CNR1: variants seen among roughly 807,000 people sequenced by gnomAD.
CNR1 encodes cannabinoid receptor 1.
CNR1 carries 10 observed loss-of-function variants against 23.0 expected under a neutral mutation model. The ratio of observed to expected loss-of-function variants is 0.43; its 90% CI spans 0.27 to 0.74. The LOEUF is 0.74. CNR1 is among the 30% of genes least tolerant of loss of function. The pLI, the probability that CNR1 is intolerant of heterozygous loss-of-function variation, is 0.19. For missense variants in CNR1, 422 were observed against 618.8 expected (o/e 0.68, Z 3.37); for synonymous variants, 271 against 255.2 (o/e 1.06, Z -0.59).
upstream of CNR1, among the ~76,000 whole-genome samples, chr6:88,166,577 T>G (rs922711704): frequency 4.6e-5 from 7 of 151,670 alleles, no homozygotes; most frequent in Non-Finnish European, 1.0e-4. Flanking sequence ...GTCACCTACT[T>G]CTCCTCTTCC....
Position 88,145,205 on chromosome 6 carries a change from C to G in CNR1, c.70G>C (p.Gly24Arg). The G allele has an allele frequency of 1.9e-6, 3 of 1,614,130 alleles. No individual in the cohort carries two copies. Among genetic ancestry groups the G allele is most frequent in the Non-Finnish European group, 2.5e-6 (3 of 1,180,026 alleles). Residue 24 changes from glycine to arginine, a missense_variant, in exon 2 of 2, where the codon GGC (glycine) becomes CGC (arginine). Physicochemically the swap from Gly to Arg is moderately radical, Grantham distance 125. Transcript: ENST00000369501. ...RTITTDLLYVGSNDIQYEDIK... is the reference protein window; with the variant it reads ...RTITTDLLYVRSNDIQYEDIK... ...TCTTCGTACTGAATGTCATTTGAGC[C>G]CACGTACAGGAGGTCAGTGGTGATG...
In CNR1 at chr6:88,144,582, G is replaced by C. The variant is rs1318755818; in HGVS notation, c.693C>G (p.Pro231=). The part of the protein sequence containing the change: ...PLAYKRIVTR[P]KAVVAFCLMW... ...TCAGGCAAAACGCCACCACGGCCTTGGGCCTGGTGACAATCCTCTTATAGG... is the reference window on the plus strand; with the variant it reads ...TCAGGCAAAACGCCACCACGGCCTTCGGCCTGGTGACAATCCTCTTATAGG... The change falls in exon 2 of 2, where the codon CCC becomes CCG. Residue 231 remains proline, a synonymous_variant. Transcript: ENST00000369501. This position sits in a 1 kb window ranked among gnomAD's most constrained non-coding sequence, Gnocchi z 7.8. The C allele has an allele frequency of 6.2e-7, 1 of 1,614,200 alleles. No individual in the cohort carries two copies. The highest frequency in any genetic ancestry group is 1.7e-5 in the Admixed American group (1 of 60,026).
chr6:88,161,562 AT>A (rs1778108976), intron 1 of CNR1, among the ~76,000 whole-genome samples: 1 of 152,242 alleles, frequency 6.6e-6, no homozygotes, highest in Non-Finnish European at 1.5e-5. Flanking sequence ...ATTATAAAAA[AT>A]ATACTTTTTT....
intron 1 of CNR1, among the ~76,000 whole-genome samples, chr6:88,151,600 GTAT>G (rs1015472714): frequency 2.6e-5 from 4 of 151,884 alleles, no homozygotes; most frequent in Admixed American, 1.3e-4. Context: ...TCTTCAATGG[GTAT>G]TATTATTATC....
chr6:88,165,048 CTT>C (rs540999519), intron 1 of CNR1, among the ~76,000 whole-genome samples: 50 of 151,864 alleles, frequency 3.3e-4, no homozygotes, highest in African/African-American at 1.1e-3. Context: ...CTAAACATTT[CTT>C]TTGTTTTTTT....
intron 1 of CNR1, among the ~76,000 whole-genome samples, chr6:88,161,992 T>C (rs1480131954): frequency 6.6e-6 from 1 of 152,228 alleles, no homozygotes; most frequent in Non-Finnish European, 1.5e-5. Context: ...CTAAAAGGAT[T>C]GGCTAAAAAG....
In CNR1 at chr6:88,142,210, A is replaced by T. The variant is rs752904771; in HGVS notation, c.*1646T>A. On this transcript the variant is annotated 3_prime_UTR_variant, in exon 2 of 2. Coordinates refer to ENST00000369501, the MANE Select transcript of CNR1 (RefSeq NM_016083.6). ...CATGTGGGCAAAGCACAGATACAGC[A>T]TAGCTAGACGTCAATGCCAAGTGTA... 1 of 152,392 alleles carries T rather than the reference A, an allele frequency of 6.6e-6. No homozygotes were observed. The highest frequency in any genetic ancestry group is 1.5e-5 in the Non-Finnish European group (1 of 68,062). The allele number at this position is 152,392 out of a possible 1,614,324, so 9.4% of individuals were successfully genotyped here.
At chr6:88,155,036 G>A (rs1777722990) in intron 1 of CNR1, among the ~76,000 whole-genome samples, 1 of 152,182 alleles carries the variant, frequency 6.6e-6, no homozygotes, top group Non-Finnish European at 1.5e-5. Flanking sequence ...TATTATTCTG[G>A]TCCACAAAAT....
chr6:88,155,735 T>G (rs1777757153), intron 1 of CNR1, among the ~76,000 whole-genome samples: 1 of 152,240 alleles, frequency 6.6e-6, no homozygotes, highest in Non-Finnish European at 1.5e-5. Context: ...GCCAATTAAC[T>G]ATAAGGTATA....
intron 1 of CNR1, among the ~76,000 whole-genome samples, chr6:88,163,741 T>C (rs1350803456): frequency 6.6e-6 from 1 of 152,190 alleles, no homozygotes; most frequent in African/African-American, 2.4e-5. Flanking sequence ...AATACAGTGG[T>C]TCTTTTTGAG....
chr6:88,144,911 G>A lies in CNR1; in HGVS notation c.364C>T (p.Leu122=), dbSNP rs1225600532. The A allele has an allele frequency of 1.2e-6, 2 of 1,614,208 alleles. No homozygotes were observed. The highest frequency in any genetic ancestry group is 1.7e-6 in the Non-Finnish European group (2 of 1,180,016). ...GTGAAGGTGCCCAGCGTGAGGGACA[G>A]GACTGCAATGGCCAGCTGCTGGCTG... ...NPSQQLAIAV[L]SLTLGTFTVL... Residue 122 remains leucine (L), a synonymous_variant, in exon 2 of 2, where the codon CTG becomes TTG. Coordinates refer to ENST00000369501, the MANE Select transcript of CNR1 (RefSeq NM_016083.6). This position sits in a 1 kb window ranked among gnomAD's most constrained non-coding sequence, Gnocchi z 7.8.
rs1777109465 is a variant in CNR1, at chr6:88,145,216, AG to A, written c.58del (p.Leu20SerfsTer22). On this transcript the variant is annotated frameshift_variant, in exon 2 of 2. Transcript: ENST00000369501. LOFTEE classifies it high-confidence loss of function. ...AATGTCATTTGAGCCCACGTACAGG[AG>A]GTCAGTGGTGATGGTGCGGAAGGTG... is the stretch of plus-strand genomic sequence containing the variant. The part of the protein sequence containing the change: ...DTTFRTITTD[L>X]LYVGSNDIQY... 6.2e-7 allele frequency: 1 copy of A among 1,613,964 alleles called. No individual in the cohort carries two copies. Among genetic ancestry groups the A allele is most frequent in the Non-Finnish European group, 8.5e-7 (1 of 1,180,018 alleles).
intron 1 of CNR1, among the ~76,000 whole-genome samples, chr6:88,146,105 T>TTC (rs1777168695): frequency 6.6e-6 from 1 of 152,014 alleles, no homozygotes; most frequent in Non-Finnish European, 1.5e-5. Flanking sequence ...TTTTTTTTCT[T>TTC]TCTTTCTTTC....
intron 1 of CNR1, among the ~76,000 whole-genome samples, chr6:88,149,051 G>A (rs1448502473): frequency 6.6e-6 from 1 of 152,188 alleles, no homozygotes; most frequent in Non-Finnish European, 1.5e-5. Flanking sequence ...ATCACCTACT[G>A]GACCAGAGGC....
Position 88,144,026 on chromosome 6 carries a change from C to A in CNR1, c.1249G>T (p.Gly417Cys), listed in dbSNP as rs764500177. ...AFRSMFPSCE[G>C]TAQPLDNSMG... is the part of the protein sequence containing the mutation. ...CTGTTATCCAGAGGCTGCGCAGTGC[C>A]TTCACAAGAGGGAAACATGCTCCGG... The change falls in exon 2 of 2, where the codon GGC (glycine) becomes TGC (cysteine). Residue 417 changes from glycine to cysteine, a missense_variant. Coordinates refer to ENST00000369501, the MANE Select transcript of CNR1 (RefSeq NM_016083.6). The surrounding 1 kb of genome is among the most constrained non-coding windows in gnomAD (Gnocchi z 7.8). 4 of 1,614,076 alleles carry A rather than the reference C, an allele frequency of 2.5e-6. No individual in the cohort carries two copies. In the Admixed American group the frequency reaches 6.7e-5, roughly 27 times the overall value.
rs1776953600 is a variant in CNR1 at position 88,143,629 on chromosome 6, C to G, written c.*227G>C. ...TTCATTGAGACTTTGAAGGATCGTT[C>G]AGTCACTTAAACAACAGGCTTTCTT... is the stretch of plus-strand genomic sequence containing the variant. On this transcript the variant is annotated 3_prime_UTR_variant, in exon 2 of 2. Transcript: ENST00000369501. 2.1e-6 allele frequency: 1 copy of G among 482,880 alleles called. No homozygotes were observed. The highest frequency in any genetic ancestry group is 1.9e-5 in the African/African-American group (1 of 51,316). 29.9% of individuals were successfully genotyped at this position (482,880 alleles called of 1,614,324 possible). A position where few individuals can be genotyped will look rare whatever the true frequency, so the allele number is the denominator to read the frequency against.
chr6:88,151,999 GA>G (rs897054708), intron 1 of CNR1, among the ~76,000 whole-genome samples: 9 of 152,066 alleles, frequency 5.9e-5, no homozygotes, highest in African/African-American at 2.2e-4. Flanking sequence ...AAGTTTCTCA[GA>G]CTCCACAGTC....
At chr6:88,162,005 ACT>A (rs1264428805) in intron 1 of CNR1, among the ~76,000 whole-genome samples, 6 of 152,228 alleles carry the variant, frequency 3.9e-5, no homozygotes, top group African/African-American at 1.2e-4. Flanking sequence ...CTAAAAAGAA[ACT>A]GTCTTAAACC....
Position 88,144,009 on chromosome 6 carries a change from C to G in CNR1, c.1266G>C (p.Leu422=). Residue 422 remains leucine, a synonymous_variant, in exon 2 of 2, where the codon CTG becomes CTC. Coordinates refer to ENST00000369501, the MANE Select transcript of CNR1 (RefSeq NM_016083.6). This position sits in a 1 kb window ranked among gnomAD's most constrained non-coding sequence, Gnocchi z 7.8. Reference sequence around the variant, plus strand: ...AGTCCGAGTCCCCCATGCTGTTATCCAGAGGCTGCGCAGTGCCTTCACAAG... The same window carrying G: ...AGTCCGAGTCCCCCATGCTGTTATCGAGAGGCTGCGCAGTGCCTTCACAAG... The part of the protein sequence containing the change: ...FPSCEGTAQP[L]DNSMGDSDCL... 6.2e-7 allele frequency: 1 copy of G among 1,614,022 alleles called. No individual in the cohort carries two copies.
Sources: gnomAD v4.1 joint callset for allele counts (sites outside exome capture counted in the v4.1 genomes callset) on GRCh38, gnomAD v4.1.1 for gene constraint, Gnocchi (gnomAD v3.1) non-coding constraint, MANE v1.5 for transcripts, NCBI Gene and HGNC (gene_info 2026-07-23, HGNC 2026-07-21) for gene names.